The following KDM1B variants were observed in gnomAD, a reference collection of about 807,000 sequenced individuals.
KDM1B encodes the protein lysine demethylase 1B.
In KDM1B, 63 loss-of-function variants were observed where a neutral mutation model predicts 107.4. The ratio of observed to expected loss-of-function variants is 0.59; its 90% CI spans 0.48 to 0.72. The LOEUF (loss-of-function observed/expected upper bound fraction) is 0.72, where lower values mean the gene tolerates loss of function less well. KDM1B is among the 30% of genes least tolerant of loss of function. The pLI is 0.00. For missense variants in KDM1B, 749 were observed against 1,020.8 expected (o/e 0.73, Z 3.63); for synonymous variants, 363 against 363.9 (o/e 1.00, Z 0.03).
At chr6:18,185,388 A>G (rs1337274367) in intron 7 of KDM1B, among the ~76,000 whole-genome samples, 1 of 150,246 alleles carries the variant, frequency 6.7e-6, no homozygotes, top group East Asian at 2.0e-4. Context: ...TGCAACCTCC[A>G]CTTTCCGGGT....
At chr6:18,185,695 T>C in intron 7 of KDM1B, 77 bp from the exon 8 acceptor site, 4 of 1,245,108 alleles carry the variant, frequency 3.2e-6, no homozygotes, top group Admixed American at 1.7e-5. Flanking sequence ...AAAAGAGATA[T>C]CTTATTGAAG....
At position 18,211,340 on chromosome 6, in the gene KDM1B, T is replaced by C. The variant is rs1394720046; in HGVS notation, c.1867-1148T>C. 6.6e-6 allele frequency among the ~76,000 whole-genome samples: 1 copy of C among 152,074 alleles called. No individual in the cohort carries two copies. The highest frequency in any genetic ancestry group is 1.5e-5 in the Non-Finnish European group (1 of 68,018). ...CTAGGGTGTCATCCTGTACTGCAGA[T>C]ATTAGAAAGCAAATACACACACTCT... On this transcript the variant is annotated intron_variant, in intron 17 of 21. Transcript: ENST00000650836. The surrounding 1 kb of genome is among the most constrained non-coding windows in gnomAD (Gnocchi z 5.2).
rs777531189 is a variant in KDM1B, at chr6:18,204,916, G to A, written c.1532-621G>A. Among the ~76,000 whole-genome samples the A allele has an allele frequency of 7.9e-5, 12 of 152,222 alleles. No individual in the cohort carries two copies. Among genetic ancestry groups the A allele is most frequent in the Non-Finnish European group, 1.6e-4 (11 of 68,038 alleles). On this transcript the variant is annotated intron_variant, in intron 14 of 21. Coordinates refer to ENST00000650836, the MANE Select transcript of KDM1B (RefSeq NM_001364614.2). The surrounding 1 kb of genome is among the most constrained non-coding windows in gnomAD (Gnocchi z 4.9). ...AGCAGAGCCTGCGAGTGGGCAGATC[G>A]TAGCTGCTGCCTTTGGAAAGATTAA...
intron 21 of KDM1B, among the ~76,000 whole-genome samples, chr6:18,219,321 CT>C (rs1789495142): frequency 6.6e-6 from 1 of 152,166 alleles, no homozygotes; most frequent in South Asian, 2.1e-4. Flanking sequence ...TTTTACTTCA[CT>C]TTCTTATCTG....
intron 7 of KDM1B, among the ~76,000 whole-genome samples, chr6:18,183,258 GTTTTTT>G (rs34558185): frequency 1.6e-5 from 1 of 61,430 alleles, no homozygotes; most frequent in Non-Finnish European, 3.1e-5. Context: ...AATTTTGTGG[GTTTTTT>G]TTTTTTTTTT....
Position 18,191,170 on chromosome 6 carries a change from G to A in KDM1B, c.785-27G>A. 1.1e-5 allele frequency: 17 copies of A among 1,544,168 alleles called. No homozygotes were observed. The highest frequency in any genetic ancestry group is 1.4e-5 in the Non-Finnish European group (16 of 1,143,062). ...TGGATTTGGAAGTTACAGCTTGTAG[G>A]AGTTGCCCATTTGTGTTACCTATCA... On this transcript the variant is annotated intron_variant, in intron 9 of 21. Transcript: ENST00000650836. The surrounding 1 kb of genome is among the most constrained non-coding windows in gnomAD (Gnocchi z 5.1).
chr6:18,157,597 T>C (rs1784706334), intron 2 of KDM1B, among the ~76,000 whole-genome samples: 1 of 151,964 alleles, frequency 6.6e-6, no homozygotes, highest in East Asian at 1.9e-4. Context: ...ATACTATACA[T>C]TTACAAATAC....
chr6:18,201,867 A>C lies in KDM1B; in HGVS notation c.1531+210A>C, dbSNP rs1788055963. Among the ~76,000 whole-genome samples, 1 of 152,228 alleles carries C rather than the reference A, an allele frequency of 6.6e-6. No homozygotes were observed. The highest frequency in any genetic ancestry group is 2.4e-5 in the African/African-American group (1 of 41,462). ...AGATGCTTGTGTTGTGTACACACAC[A>C]CACACAGACCTTACTTTACACAATA... On this transcript the variant is annotated intron_variant, in intron 14 of 21. Transcript: ENST00000650836. This position sits in a 1 kb window ranked among gnomAD's most constrained non-coding sequence, Gnocchi z 4.3.
In KDM1B at chr6:18,208,480, GA is replaced by G. The variant is rs199684257; in HGVS notation, c.1866+282del. Among the ~76,000 whole-genome samples, 36 of 149,978 alleles carry G rather than the reference GA, an allele frequency of 2.4e-4. No individual in the cohort carries two copies. In the East Asian group the frequency reaches 5.7e-3, roughly 24 times the overall value. ...CACATTAGTCCTGAGAGTTGAACAA[GA>G]AAAAAAATTCCTTGGCCAAATAAGT... is the stretch of plus-strand genomic sequence containing the variant. On this transcript the variant is annotated intron_variant, in intron 17 of 21. Transcript: ENST00000650836.
Position 18,205,652 on chromosome 6 carries a change from C to A in KDM1B, c.1647C>A (p.Ser549Arg). Residue 549 changes from serine (S) to arginine (R), a missense_variant, in exon 15 of 22, where the codon AGC becomes AGA. By Grantham distance (110) the Ser-to-Arg change is moderately radical. Coordinates refer to ENST00000650836, the MANE Select transcript of KDM1B (RefSeq NM_001364614.2). This position sits in a 1 kb window ranked among gnomAD's most constrained non-coding sequence, Gnocchi z 5.7. ...HLSNLEYACG[S>R]NLHQVSARSW... ...GTAACCTGGAGTACGCCTGTGGCAG[C>A]AACCTTCACCAGGTGCGCTTGGGTT... 6.6e-7 allele frequency: 1 copy of A among 1,516,608 alleles called. No individual in the cohort carries two copies. The highest frequency in any genetic ancestry group is 8.8e-7 in the Non-Finnish European group (1 of 1,134,174). The allele number at this position is 1,516,608 out of a possible 1,614,324, so 93.9% of individuals were successfully genotyped here.
In KDM1B at chr6:18,201,429, C is replaced by G; in HGVS notation, c.1360-57C>G. 7.8e-7 allele frequency: 1 copy of G among 1,290,006 alleles called. No individual in the cohort carries two copies. The highest frequency in any genetic ancestry group is 1.1e-6 in the Non-Finnish European group (1 of 933,718). 79.9% of individuals were successfully genotyped at this position (1,290,006 alleles called of 1,614,324 possible). A position where few individuals can be genotyped will look rare whatever the true frequency, so the allele number is the denominator to read the frequency against. ...CTCTGTCTGATTTTCAGCTTAGAAC[C>G]TGTAAATATTTTTTTCCAGGGAAAA... On this transcript the variant is annotated intron_variant, in intron 13 of 21. Transcript: ENST00000650836. The surrounding 1 kb of genome is among the most constrained non-coding windows in gnomAD (Gnocchi z 4.3).
intron 7 of KDM1B, among the ~76,000 whole-genome samples, chr6:18,177,213 A>C (rs1018628803): frequency 1.3e-5 from 2 of 152,244 alleles, no homozygotes; most frequent in African/African-American, 4.8e-5. Context: ...TTTTTCCAGG[A>C]ATTTGTCCAT....
chr6:18,196,977 A>C (rs1787691035), intron 10 of KDM1B, 80 bp from the exon 11 acceptor site: 2 of 1,293,762 alleles, frequency 1.5e-6, no homozygotes, highest in Admixed American at 2.0e-5. Flanking sequence ...CTTGTCTTTT[A>C]AATGGATTGT....
Position 18,166,162 on chromosome 6 carries a change from A to T in KDM1B, c.306-105A>T, listed in dbSNP as rs1022251767. 4 of 617,214 alleles carry T rather than the reference A, an allele frequency of 6.5e-6. No individual in the cohort carries two copies. The African/African-American group carries it at 7.4e-5, about 11-fold the overall frequency. 38.2% of individuals were successfully genotyped at this position (617,214 alleles called of 1,614,324 possible). A position where few individuals can be genotyped will look rare whatever the true frequency, so the allele number is the denominator to read the frequency against. On this transcript the variant is annotated intron_variant, in intron 5 of 21. Coordinates refer to ENST00000650836, the MANE Select transcript of KDM1B (RefSeq NM_001364614.2). ...CTCTACTTTTATAACAAGGCTAGTT[A>T]TGTTTGTTACGTAAGATTTACTAAC...
intron 7 of KDM1B, among the ~76,000 whole-genome samples, chr6:18,178,517 C>T (rs1479892168): frequency 2.6e-5 from 4 of 151,956 alleles, no homozygotes; most frequent in South Asian, 2.1e-4. Context: ...CTCAGCCTCC[C>T]GAGTAGCAGG....
intron 2 of KDM1B, among the ~76,000 whole-genome samples, chr6:18,158,805 T>TAATATATA (rs1272596193): frequency 9.9e-5 from 15 of 152,240 alleles, no homozygotes; most frequent in African/African-American, 3.6e-4. Flanking sequence ...AGACTTTGGT[T>TAATATATA]CTTAATATAT....
At position 18,213,559 on chromosome 6, in the gene KDM1B, CTT is replaced by C; in HGVS notation, c.1984-95_1984-94del. 1.6e-6 allele frequency: 2 copies of C among 1,279,162 alleles called. No homozygotes were observed. Among genetic ancestry groups the C allele is most frequent in the Non-Finnish European group, 2.2e-6 (2 of 893,752 alleles). 79.2% of individuals were successfully genotyped at this position (1,279,162 alleles called of 1,614,324 possible). On this transcript the variant is annotated intron_variant, in intron 18 of 21. Transcript: ENST00000650836. The surrounding 1 kb of genome is among the most constrained non-coding windows in gnomAD (Gnocchi z 5.9). ...TTGGGGTTGTTCTTTCGGGCAGTGT[CTT>C]TGTTTTAGAGTAGAGCTACAGGTTG...
In KDM1B at chr6:18,200,956, T is replaced by C. The variant is rs1357191396; in HGVS notation, c.1359+380T>C. ...ACATGGGATATTTTACATGCAATATTTGGGACATACTTATACTTAAAAAAA... is the reference window on the plus strand; with the variant it reads ...ACATGGGATATTTTACATGCAATATCTGGGACATACTTATACTTAAAAAAA... On this transcript the variant is annotated intron_variant, in intron 13 of 21. Transcript: ENST00000650836. This position sits in a 1 kb window ranked among gnomAD's most constrained non-coding sequence, Gnocchi z 4.3. Among the ~76,000 whole-genome samples, 1 of 152,234 alleles carries C rather than the reference T, an allele frequency of 6.6e-6. No individual in the cohort carries two copies. Among genetic ancestry groups the C allele is most frequent in the Non-Finnish European group, 1.5e-5 (1 of 68,034 alleles).
intron 3 of KDM1B, among the ~76,000 whole-genome samples, chr6:18,160,300 T>C (rs568894761): frequency 9.8e-5 from 15 of 152,326 alleles, no homozygotes; most frequent in African/African-American, 3.6e-4. Context: ...ATGTCATTCA[T>C]AGGAATTTGG....
Sources: allele counts gnomAD v4.1 joint callset (sites outside exome capture counted in the v4.1 genomes callset), GRCh38; gene constraint gnomAD v4.1.1; non-coding constraint Gnocchi (gnomAD v3.1); transcripts MANE v1.5; gene names NCBI Gene and HGNC (gene_info 2026-07-23, HGNC 2026-07-21).